Variants in DIAPH2 observed in about 807,000 individuals in gnomAD.
DIAPH2 encodes the protein diaphanous related formin 2.
In DIAPH2, 35 loss-of-function variants were observed where a neutral mutation model predicts 92.7. That is an observed-to-expected ratio of 0.38 (90% CI 0.29 to 0.50). The LOEUF is 0.50. Ranked by LOEUF, DIAPH2 falls within the 20% of genes least tolerant of loss-of-function variation. The probability of loss-of-function intolerance (pLI) is 0.94; values close to 1 mark genes in which losing one functional copy is unlikely to be tolerated. For synonymous variants in DIAPH2, 301 were observed against 280.4 expected (o/e 1.07, Z -0.73); for missense variants, 701 against 819.5 (o/e 0.86, Z 1.77).
At chrX:96,851,622 A>G (rs959213997) in intron 4 of DIAPH2, among the ~76,000 whole-genome samples, 1 of 112,335 alleles carries the variant, frequency 8.9e-6, no homozygotes. Context: ...TTGTCTAGGG[A>G]ATAATGACAA....
rs757897196 is a variant in DIAPH2 at position 96,981,189 on chromosome X, G to A, written c.2050+15982G>A. Among the ~76,000 whole-genome samples the A allele has an allele frequency of 2.8e-5, 3 of 109,045 alleles. No individual in the cohort carries two copies. In the South Asian group the frequency reaches 1.2e-3, roughly 43 times the overall value. The allele number at this position is 109,045 out of a possible 115,157, so 94.7% of individuals were successfully genotyped here. A position where few individuals can be genotyped will look rare whatever the true frequency, so the allele number is the denominator to read the frequency against. ...CCCTATCTCGGGAAAAAAAAAAATT[G>A]TATACATAATCACATATTTTCTTTA... is the stretch of plus-strand genomic sequence containing the variant. On this transcript the variant is annotated intron_variant, in intron 17 of 26. Coordinates refer to ENST00000324765, the MANE Select transcript of DIAPH2 (RefSeq NM_006729.5).
At chrX:96,880,100 C>T (rs2065203653) in intron 4 of DIAPH2, among the ~76,000 whole-genome samples, 2 of 111,557 alleles carry the variant, frequency 1.8e-5, no homozygotes, top group South Asian at 7.5e-4. Context: ...GGCCATTATA[C>T]AAAATATGGG....
At chrX:96,978,103 C>T (rs190975278) in intron 17 of DIAPH2, among the ~76,000 whole-genome samples, 251 of 111,963 alleles carry the variant, frequency 2.2e-3, no homozygotes, top group African/African-American at 7.8e-3. Context: ...ATATTAATGG[C>T]AGTTAAACTA....
chrX:97,287,329 G>A (rs1421737685), intron 23 of DIAPH2, among the ~76,000 whole-genome samples: 4 of 110,749 alleles, frequency 3.6e-5, no homozygotes, highest in African/African-American at 1.3e-4. Context: ...TTTGTTTTGG[G>A]GAAAATTCTG....
intron 23 of DIAPH2, among the ~76,000 whole-genome samples, chrX:97,264,305 T>C (rs2068316220): frequency 9.0e-6 from 1 of 111,391 alleles, no homozygotes; most frequent in Non-Finnish European, 1.9e-5. Context: ...GTCACATAGG[T>C]GCTCTATAGG....
chrX:97,204,369 G>T (rs188456467), intron 22 of DIAPH2, among the ~76,000 whole-genome samples: 1 of 111,896 alleles, frequency 8.9e-6, no homozygotes, highest in African/African-American at 3.2e-5. Context: ...CATAGGAAGA[G>T]AGGAAGTCAA....
In DIAPH2 at chrX:97,243,735, A is replaced by G. The variant is rs571511801; in HGVS notation, c.2720-3980A>G. ...TCTAAGCATCTCCCGAACCACGTCTATATATTGTTAGGCAGATTTCAAGTC... is the reference window on the plus strand; with the variant it reads ...TCTAAGCATCTCCCGAACCACGTCTGTATATTGTTAGGCAGATTTCAAGTC... On this transcript the variant is annotated intron_variant, in intron 22 of 26. Coordinates refer to ENST00000324765, the MANE Select transcript of DIAPH2 (RefSeq NM_006729.5). Among the ~76,000 whole-genome samples, 58 of 111,542 alleles carry G rather than the reference A, an allele frequency of 5.2e-4. No homozygotes were observed. The South Asian group carries it at 0.022, about 42-fold the overall frequency.
chrX:96,921,766 A>G (rs2065546468), intron 9 of DIAPH2, among the ~76,000 whole-genome samples: 1 of 91,135 alleles, frequency 1.1e-5, no homozygotes, highest in Non-Finnish European at 2.2e-5. Flanking sequence ...TTTGTTCCCT[A>G]TGTTCTATCC....
At chrX:97,003,162 A>G (rs1303153644) in intron 17 of DIAPH2, among the ~76,000 whole-genome samples, 1 of 110,710 alleles carries the variant, frequency 9.0e-6, no homozygotes, top group African/African-American at 3.3e-5. Flanking sequence ...ATAGTACTCC[A>G]TCATGTATAT....
chrX:97,515,740 T>C (rs2070941566), intron 26 of DIAPH2, among the ~76,000 whole-genome samples: 1 of 110,503 alleles, frequency 9.0e-6, no homozygotes, highest in Non-Finnish European at 1.9e-5. Flanking sequence ...TGGGGGTACC[T>C]CTGGAATGAA....
intron 23 of DIAPH2, among the ~76,000 whole-genome samples, chrX:97,300,584 A>G (rs2068684639): frequency 9.8e-6 from 1 of 101,585 alleles, no homozygotes; most frequent in Non-Finnish European, 2.0e-5. Context: ...GACTAACTGT[A>G]ACTCTACTAG....
chrX:96,967,768 G>A (rs2065903183), intron 17 of DIAPH2, among the ~76,000 whole-genome samples: 1 of 110,981 alleles, frequency 9.0e-6, no homozygotes, highest in Non-Finnish European at 1.9e-5. Flanking sequence ...TGGTGTATAT[G>A]TACCACATTT....
At chrX:97,366,805 A>G (rs749293523) in intron 24 of DIAPH2, among the ~76,000 whole-genome samples, 8 of 111,872 alleles carry the variant, frequency 7.2e-5, no homozygotes, top group South Asian at 3.8e-4. Flanking sequence ...AAAAAGTGTA[A>G]TAATTCTAAG....
chrX:97,077,684 A>G (rs1487796150), intron 19 of DIAPH2, among the ~76,000 whole-genome samples: 1 of 111,932 alleles, frequency 8.9e-6, no homozygotes, highest in East Asian at 2.8e-4. Flanking sequence ...TACTTAAAAA[A>G]CAAAAAACAA....
chrX:97,289,558 A>T (rs940917451), intron 23 of DIAPH2, among the ~76,000 whole-genome samples: 4 of 111,147 alleles, frequency 3.6e-5, no homozygotes, highest in African/African-American at 1.3e-4. Context: ...CATCTGGGGA[A>T]CTTTTAAAAA....
chrX:96,780,981 AT>A (rs1404640598), intron 4 of DIAPH2, among the ~76,000 whole-genome samples: 9 of 108,327 alleles, frequency 8.3e-5, no homozygotes, highest in Admixed American at 2.0e-4. Flanking sequence ...TAATTTTTGT[AT>A]TTTTAGTAGA....
intron 23 of DIAPH2, among the ~76,000 whole-genome samples, chrX:97,292,256 A>G (rs1380071294): frequency 9.1e-6 from 1 of 109,589 alleles, no homozygotes; most frequent in Non-Finnish European, 1.9e-5. Context: ...CTGGTCTAGA[A>G]CTCCTGGGCT....
At chrX:97,470,127 T>C (rs920747922) in intron 26 of DIAPH2, among the ~76,000 whole-genome samples, 8 of 111,751 alleles carry the variant, frequency 7.2e-5, no homozygotes, top group African/African-American at 2.6e-4. Context: ...CTAGTCATTA[T>C]TGGAGTGACT....
At chrX:97,576,911 T>G (rs771504998) in intron 26 of DIAPH2, among the ~76,000 whole-genome samples, 7 of 111,590 alleles carry the variant, frequency 6.3e-5, no homozygotes, top group Non-Finnish European at 1.3e-4. Context: ...TATTTATGGT[T>G]ATGGTATTTT....
Sources: gnomAD v4.1 joint callset for allele counts (sites outside exome capture counted in the v4.1 genomes callset) on GRCh38, gnomAD v4.1.1 for gene constraint, MANE v1.5 for transcripts, NCBI Gene and HGNC (gene_info 2026-07-23, HGNC 2026-07-21) for gene names.